Variants in VPS53 observed in about 807,000 individuals in gnomAD.
VPS53 encodes VPS53 subunit of GARP complex, also known as vacuolar protein sorting-associated protein 53 homolog.
VPS53 carries 70 observed loss-of-function variants against 107.0 expected under a neutral mutation model. The observed-to-expected ratio is 0.65, with a 90% CI of 0.54 to 0.80. The LOEUF (loss-of-function observed/expected upper bound fraction) is 0.80. Ranked by LOEUF, VPS53 falls within the 30% of genes least tolerant of loss-of-function variation. The pLI is 0.00. For missense variants in VPS53, 917 were observed against 1,049.4 expected, an observed-to-expected ratio of 0.87 and a Z score of 1.74; for synonymous variants, 409 against 393.3, an observed-to-expected ratio of 1.04 and a Z score of -0.47.
chr17:698,761 T>G (rs956546722), intron 3 of VPS53, among the ~76,000 whole-genome samples: 11 of 152,110 alleles, frequency 7.2e-5, no homozygotes, highest in Non-Finnish European at 1.5e-4. Flanking sequence ...TGCCTCCTTC[T>G]ATAATTACAA....
intron 17 of VPS53, among the ~76,000 whole-genome samples, chr17:541,405 G>A (rs1229556596): frequency 1.3e-5 from 2 of 152,072 alleles, no homozygotes; most frequent in Admixed American, 6.5e-5. Flanking sequence ...CACCTACTAC[G>A]CACTGAAGGA....
chr17:628,233 T>C lies in VPS53; in HGVS notation c.688-2A>G, dbSNP rs1198081509. 1.2e-6 allele frequency: 2 copies of C among 1,613,116 alleles called. No homozygotes were observed. The highest frequency in any genetic ancestry group is 2.7e-5 in the African/African-American group (2 of 75,004). On this transcript the variant is annotated splice_acceptor_variant, in intron 8 of 21. Coordinates refer to ENST00000437048, the MANE Select transcript of VPS53 (RefSeq NM_001128159.3). LOFTEE classifies it high-confidence loss of function. ...AACATTGCTGGGTCCTCCTGGTCTCTAGTAAAACAAACATGTACCAGGTGA... is the reference window on the plus strand; with the variant it reads ...AACATTGCTGGGTCCTCCTGGTCTCCAGTAAAACAAACATGTACCAGGTGA...
chr17:539,947 T>C (rs906702075), intron 17 of VPS53, among the ~76,000 whole-genome samples: 3 of 151,792 alleles, frequency 2.0e-5, no homozygotes, highest in African/African-American at 7.3e-5. Flanking sequence ...CCAAACCAGG[T>C]CTATCTAAAG....
Position 518,971 on chromosome 17 carries a change from A to T in VPS53, c.*157T>A. 1.3e-6 allele frequency: 1 copy of T among 790,894 alleles called. No homozygotes were observed. Among genetic ancestry groups the T allele is most frequent in the Non-Finnish European group, 1.9e-6 (1 of 529,116 alleles). 49.0% of individuals were successfully genotyped at this position (790,894 alleles called of 1,614,324 possible). A position where few individuals can be genotyped will look rare whatever the true frequency, so the allele number is the denominator to read the frequency against. On this transcript the variant is annotated 3_prime_UTR_variant, in exon 22 of 22. Transcript: ENST00000437048. ...GCGTCTCCGATTAGGGCAGGAAGTA[A>T]GACAGGGCATGGGAGAGACTCAGTA... is the stretch of plus-strand genomic sequence containing the variant.
Position 521,600 on chromosome 17 carries a change from C to T in VPS53, c.2223+1G>A. 6.5e-7 allele frequency: 1 copy of T among 1,539,894 alleles called. No homozygotes were observed. The highest frequency in any genetic ancestry group is 8.8e-7 in the Non-Finnish European group (1 of 1,140,074). The stretch of plus-strand genomic sequence containing the variant: ...TGGCCCCTTTTAACACAAGCCATCA[C>T]CTTGAGGATCATCTCAGCCCGGGTC... On this transcript the variant is annotated splice_donor_variant, in intron 20 of 21. Coordinates refer to ENST00000437048, the MANE Select transcript of VPS53 (RefSeq NM_001128159.3). LOFTEE classifies it high-confidence loss of function.
intron 19 of VPS53, chr17:532,505 C>G (rs1909670154): frequency 8.0e-6 from 2 of 249,162 alleles, no homozygotes; most frequent in African/African-American, 4.5e-5. Context: ...GGTGATCTGC[C>G]TGCCCAGGCC....
rs576129307 is a variant in VPS53, at chr17:602,212, G to A, written c.1117-316C>T. ...GGTTTGGGTCAGATGTCCCTGACAC[G>A]TGTTCCCAAACCAAGCTACATGTCT... On this transcript the variant is annotated intron_variant, in intron 11 of 21. Transcript: ENST00000437048. Among the ~76,000 whole-genome samples the A allele has an allele frequency of 1.2e-4, 19 of 152,318 alleles. No homozygotes were observed. The East Asian group carries it at 2.5e-3, about 20-fold the overall frequency.
chr17:649,681 C>T (rs144899581), intron 7 of VPS53, among the ~76,000 whole-genome samples: 6,072 of 150,724 alleles, frequency 0.04, 331 homozygotes, highest in African/African-American at 0.14. Context: ...GAAGATCTTA[C>T]ACTGGAGGAC....
chr17:538,740 C>T (rs1910325017), intron 17 of VPS53: 1 of 152,156 alleles, frequency 6.6e-6, no homozygotes, highest in Non-Finnish European at 1.5e-5. Flanking sequence ...TGCAAGGTTT[C>T]ATAACCAGGC....
At position 697,540 on chromosome 17, in the gene VPS53, C is replaced by A; in HGVS notation, c.219-56G>T. 5.6e-6 allele frequency: 8 copies of A among 1,434,562 alleles called. No individual in the cohort carries two copies. The Admixed American group carries it at 7.5e-5, about 14-fold the overall frequency. 88.9% of individuals were successfully genotyped at this position (1,434,562 alleles called of 1,614,324 possible). A position where few individuals can be genotyped will look rare whatever the true frequency, so the allele number is the denominator to read the frequency against. On this transcript the variant is annotated intron_variant, in intron 3 of 21. Transcript: ENST00000437048. ...CAAATAATCTTTATTCTAGGTTGAC[C>A]AAAAGAAAAAAAGTAAAAAGTAATT...
chr17:519,945 G>A lies in VPS53; in HGVS notation c.2224-15C>T. On this transcript the variant is annotated splice_polypyrimidine_tract_variant and intron_variant, in intron 20 of 21. Coordinates refer to ENST00000437048, the MANE Select transcript of VPS53 (RefSeq NM_001128159.3). This position sits in a 1 kb window ranked among gnomAD's most constrained non-coding sequence, Gnocchi z 5.0. ...GCCATCACTACCTACAGCGGGAGGA[G>A]ACAGGAGCAAGCCCCTCAGGAAAAC... 6.5e-7 allele frequency: 1 copy of A among 1,539,878 alleles called. No individual in the cohort carries two copies. The highest frequency in any genetic ancestry group is 8.8e-7 in the Non-Finnish European group (1 of 1,136,388).
At chr17:577,883 G>A (rs1914771685) in intron 13 of VPS53, among the ~76,000 whole-genome samples, 1 of 146,332 alleles carries the variant, frequency 6.8e-6, no homozygotes, top group Non-Finnish European at 1.5e-5. Flanking sequence ...GACCTAATGT[G>A]GTCCCAGAGA....
At chr17:564,736 C>T (rs1913333773) in intron 13 of VPS53, among the ~76,000 whole-genome samples, 1 of 151,774 alleles carries the variant, frequency 6.6e-6, no homozygotes, top group Non-Finnish European at 1.5e-5. Context: ...AAAACAAAAA[C>T]CAAAACAGGG....
chr17:623,755 T>C, intron 10 of VPS53, 81 bp from the exon 11 acceptor site: 3 of 1,414,240 alleles, frequency 2.1e-6, no homozygotes, highest in Non-Finnish European at 2.8e-6. Context: ...CCTTAGCTTA[T>C]ATTCAGAAAA....
chr17:568,285 A>T (rs1387086365), intron 13 of VPS53, among the ~76,000 whole-genome samples: 2 of 152,180 alleles, frequency 1.3e-5, no homozygotes, highest in African/African-American at 4.8e-5. Context: ...AGGGTCACCC[A>T]GGCTGGAGTG....
intron 19 of VPS53, chr17:522,943 C>G (rs1045425738): frequency 6.6e-6 from 1 of 152,142 alleles, no homozygotes; most frequent in Admixed American, 6.5e-5. Flanking sequence ...TCTCATGCAA[C>G]GGACGGGGTT....
At chr17:564,389 A>C (rs1478268726) in intron 13 of VPS53, among the ~76,000 whole-genome samples, 6 of 152,120 alleles carry the variant, frequency 3.9e-5, no homozygotes, top group African/African-American at 1.4e-4. Context: ...ACAAAAAAAA[A>C]ATTAGCCGGG....
At chr17:598,725 C>A (rs1968135330) in intron 12 of VPS53, among the ~76,000 whole-genome samples, 1 of 117,692 alleles carries the variant, frequency 8.5e-6, no homozygotes. Flanking sequence ...CTCTGCCCGG[C>A]AACCGCCCCG....
intron 15 of VPS53, among the ~76,000 whole-genome samples, chr17:559,145 A>G (rs1319407782): frequency 2.0e-5 from 3 of 152,210 alleles, no homozygotes; most frequent in Non-Finnish European, 4.4e-5. Flanking sequence ...AATGCTATGT[A>G]TGACACTAAC....
Sources: allele counts gnomAD v4.1 joint callset (sites outside exome capture counted in the v4.1 genomes callset), GRCh38; gene constraint gnomAD v4.1.1; non-coding constraint Gnocchi (gnomAD v3.1); transcripts MANE v1.5; gene names NCBI Gene and HGNC (gene_info 2026-07-23, HGNC 2026-07-21).